The following ZNF385D variants were observed in gnomAD, a reference collection of about 807,000 sequenced individuals.
The protein encoded by ZNF385D is zinc finger protein 659.
A neutral mutation model predicts 35.8 loss-of-function variants in ZNF385D; 15 were observed. The ratio of observed to expected loss-of-function variants is 0.42; its 90% CI spans 0.28 to 0.64. The LOEUF is 0.64. ZNF385D is among the 30% of genes least tolerant of loss of function. The probability of loss-of-function intolerance (pLI) is 0.23; values close to 1 mark genes in which losing one functional copy is unlikely to be tolerated. For missense variants in ZNF385D, 474 were observed against 494.6 expected, an observed-to-expected ratio of 0.96 and a Z score of 0.39; for synonymous variants, 212 against 186.8, an observed-to-expected ratio of 1.13 and a Z score of -1.10.
At chr3:22,354,946 G>A (rs1244243514) in intron 2 of ZNF385D, among the ~76,000 whole-genome samples, 1 of 151,984 alleles carries the variant, frequency 6.6e-6, no homozygotes, top group East Asian at 1.9e-4. Context: ...CACAGATATA[G>A]GAAGAACATC....
chr3:21,728,244 C>CA (rs1162688243), intron 1 of ZNF385D, among the ~76,000 whole-genome samples: 1 of 151,196 alleles, frequency 6.6e-6, no homozygotes, highest in East Asian at 1.9e-4. Flanking sequence ...TGTAACAAAA[C>CA]TGCACGTTCT....
chr3:22,080,871 T>C (rs1349248161), intron 3 of ZNF385D, among the ~76,000 whole-genome samples: 1 of 152,068 alleles, frequency 6.6e-6, no homozygotes, highest in Non-Finnish European at 1.5e-5. Flanking sequence ...GAAGGCACCA[T>C]CTATGAACCA....
At chr3:21,848,994 T>C (rs1410668056) in intron 3 of ZNF385D, among the ~76,000 whole-genome samples, 2 of 152,118 alleles carry the variant, frequency 1.3e-5, no homozygotes, top group Middle Eastern at 3.2e-3. Context: ...TATTTGAGAC[T>C]TCTTTCTTAA....
chr3:21,959,764 CCT>C (rs1336544535), intron 3 of ZNF385D, among the ~76,000 whole-genome samples: 1 of 152,086 alleles, frequency 6.6e-6, no homozygotes, highest in Non-Finnish European at 1.5e-5. Context: ...TAACTGCTCC[CCT>C]CACTCCAAGG....
At chr3:21,802,620 G>A (rs1240745549) in intron 3 of ZNF385D, among the ~76,000 whole-genome samples, 1 of 152,094 alleles carries the variant, frequency 6.6e-6, no homozygotes, top group Non-Finnish European at 1.5e-5. Flanking sequence ...ACTTCAGACA[G>A]GCCAACTGTA....
chr3:22,208,850 T>G (rs1017819171), intron 2 of ZNF385D, among the ~76,000 whole-genome samples: 1 of 151,886 alleles, frequency 6.6e-6, no homozygotes, highest in South Asian at 2.1e-4. Flanking sequence ...AGAATAGAAT[T>G]GAGTCATAGT....
intron 3 of ZNF385D, among the ~76,000 whole-genome samples, chr3:21,964,269 T>C (rs190683677): frequency 2.0e-5 from 3 of 151,542 alleles, no homozygotes; most frequent in Non-Finnish European, 4.4e-5. Context: ...AAAACTGAAA[T>C]TGGCATCATT....
chr3:22,217,656 A>G (rs2125273909), intron 2 of ZNF385D, among the ~76,000 whole-genome samples: 1 of 152,292 alleles, frequency 6.6e-6, no homozygotes. Context: ...ATCATAATTA[A>G]TAACATTCTA....
chr3:21,853,422 G>A (rs1420582406), intron 3 of ZNF385D, among the ~76,000 whole-genome samples: 1 of 151,468 alleles, frequency 6.6e-6, no homozygotes, highest in African/African-American at 2.4e-5. Flanking sequence ...TTTATAGCAT[G>A]ATGGTGATCA....
chr3:21,667,184 A>C (rs1164356104), intron 1 of ZNF385D, among the ~76,000 whole-genome samples: 1 of 152,208 alleles, frequency 6.6e-6, no homozygotes, highest in Non-Finnish European at 1.5e-5. Flanking sequence ...CTTTTGAGAC[A>C]GGATCTCACT....
chr3:21,421,659 G>A (rs918308884), intron 7 of ZNF385D, among the ~76,000 whole-genome samples: 3 of 152,164 alleles, frequency 2.0e-5, no homozygotes, highest in African/African-American at 7.2e-5. Context: ...AACCGGGAAT[G>A]CTTGAAAAGT....
intron 2 of ZNF385D, among the ~76,000 whole-genome samples, chr3:22,314,634 C>A (rs1021576747): frequency 1.1e-4 from 17 of 152,022 alleles, no homozygotes; most frequent in South Asian, 4.2e-4. Context: ...CTCTGGCAGC[C>A]TGCAAATCAT....
chr3:21,574,804 ATAAGT>A (rs1559421965), intron 2 of ZNF385D, among the ~76,000 whole-genome samples: 1 of 152,100 alleles, frequency 6.6e-6, no homozygotes, highest in Admixed American at 6.6e-5. Context: ...ATATTCCATA[ATAAGT>A]TAATAATATA....
chr3:21,870,014 A>G (rs187664362), intron 3 of ZNF385D, among the ~76,000 whole-genome samples: 1 of 152,030 alleles, frequency 6.6e-6, no homozygotes, highest in Non-Finnish European at 1.5e-5. Flanking sequence ...ATTTTTTTTT[A>G]AAAAACAACT....
At chr3:21,976,163 T>C (rs577912327) in intron 3 of ZNF385D, among the ~76,000 whole-genome samples, 107 of 152,270 alleles carry the variant, frequency 7.0e-4, no homozygotes, top group Non-Finnish European at 1.2e-3. Flanking sequence ...ATTTGAGTGA[T>C]ATACCTCTTC....
At chr3:22,136,922 G>A (rs1704162151) in intron 3 of ZNF385D, among the ~76,000 whole-genome samples, 1 of 152,140 alleles carries the variant, frequency 6.6e-6, no homozygotes, top group African/African-American at 2.4e-5. Flanking sequence ...GGATTCTAGA[G>A]AAGGAATAGA....
chr3:22,074,981 A>G (rs1205941344), intron 3 of ZNF385D, among the ~76,000 whole-genome samples: 2 of 151,922 alleles, frequency 1.3e-5, no homozygotes, highest in Non-Finnish European at 2.9e-5. Flanking sequence ...GAGGTATTCT[A>G]AAGTTTGAGA....
intron 2 of ZNF385D, among the ~76,000 whole-genome samples, chr3:21,605,614 T>G (rs958434875): frequency 6.6e-5 from 10 of 152,174 alleles, no homozygotes; most frequent in Non-Finnish European, 1.3e-4. Flanking sequence ...CTTTCAGCAT[T>G]TTTGTCTGAC....
At chr3:22,234,325 A>G (rs184562479) in intron 2 of ZNF385D, among the ~76,000 whole-genome samples, 39 of 152,242 alleles carry the variant, frequency 2.6e-4, no homozygotes, top group African/African-American at 8.4e-4. Flanking sequence ...CAGCAATTCA[A>G]TAAACCACAA....
Sources: gnomAD v4.1 joint callset for allele counts (sites outside exome capture counted in the v4.1 genomes callset) on GRCh38, gnomAD v4.1.1 for gene constraint, MANE v1.5 for transcripts, NCBI Gene and HGNC (gene_info 2026-07-23, HGNC 2026-07-21) for gene names.